The following OXR1 variants were observed in gnomAD, a reference collection of about 807,000 sequenced individuals.
The protein encoded by OXR1 is oxidation resistance 1.
In OXR1, 41 loss-of-function variants were observed where a neutral mutation model predicts 104.6. The observed-to-expected ratio is 0.39, with a 90% confidence interval of 0.31 to 0.51. The LOEUF (loss-of-function observed/expected upper bound fraction) is 0.51. Among genes scored for constraint, OXR1 ranks in the 20% least tolerant of loss-of-function variants. OXR1 has a pLI of 0.77. For synonymous variants in OXR1, 348 were observed against 348.4 expected, an observed-to-expected ratio of 1.00 and a Z score of 0.01; for missense variants, 955 against 1,031.9, an observed-to-expected ratio of 0.93 and a Z score of 1.02.
chr8:106,347,260 A>G lies in OXR1; in HGVS notation c.-138-12216A>G, dbSNP rs542608147. On this transcript the variant is annotated intron_variant, in intron 1 of 16. Coordinates refer to ENST00000517566, the MANE Select transcript of OXR1 (RefSeq NM_001198533.2). Reference sequence around the variant, plus strand: ...AAAACATTTTCCTAAGCAAAGAGTGACATGCAGATTTCTTTTGTGATCCGT... The same window carrying G: ...AAAACATTTTCCTAAGCAAAGAGTGGCATGCAGATTTCTTTTGTGATCCGT... 3.9e-5 allele frequency among the ~76,000 whole-genome samples: 6 copies of G among 152,368 alleles called. No homozygotes were observed. The South Asian group carries it at 1.2e-3, about 32-fold the overall frequency.
At chr8:106,327,536 A>G (rs1814520404) in intron 1 of OXR1, among the ~76,000 whole-genome samples, 1 of 152,194 alleles carries the variant, frequency 6.6e-6, no homozygotes, top group South Asian at 2.1e-4. Flanking sequence ...CATGAAATAT[A>G]TTCACTCCTG....
At chr8:106,725,075 C>A (rs1235117991) in intron 11 of OXR1, among the ~76,000 whole-genome samples, 2 of 151,920 alleles carry the variant, frequency 1.3e-5, no homozygotes, top group African/African-American at 4.8e-5. Context: ...AGAGAACTTT[C>A]CTGGTGTGAA....
At chr8:106,343,724 T>TG (rs773326680) in intron 1 of OXR1, among the ~76,000 whole-genome samples, 1 of 152,222 alleles carries the variant, frequency 6.6e-6, no homozygotes, top group Non-Finnish European at 1.5e-5. Flanking sequence ...TTCAAACTCT[T>TG]GCTGGAAGAA....
intron 3 of OXR1, among the ~76,000 whole-genome samples, chr8:106,660,721 G>A (rs1442549419): frequency 1.3e-5 from 2 of 152,086 alleles, no homozygotes; most frequent in Admixed American, 1.3e-4. Flanking sequence ...TAAAATTTTG[G>A]TCAAATGTCA....
intron 2 of OXR1, among the ~76,000 whole-genome samples, chr8:106,495,329 G>A (rs1489854482): frequency 6.6e-6 from 1 of 152,090 alleles, no homozygotes; most frequent in African/African-American, 2.4e-5. Flanking sequence ...TGAAGAGCTA[G>A]AGCTTGCACT....
At chr8:106,480,488 TTTGA>T (rs1284193749) in intron 2 of OXR1, among the ~76,000 whole-genome samples, 3 of 152,046 alleles carry the variant, frequency 2.0e-5, no homozygotes, top group South Asian at 2.1e-4. Context: ...ACTAATGTAC[TTTGA>T]TTGGTTGACT....
At chr8:106,438,210 G>A (rs1819655921) in intron 2 of OXR1, among the ~76,000 whole-genome samples, 1 of 152,042 alleles carries the variant, frequency 6.6e-6, no homozygotes. Context: ...GGACTAGATT[G>A]TCAACCAATT....
intron 2 of OXR1, among the ~76,000 whole-genome samples, chr8:106,388,283 T>C (rs1817456448): frequency 6.6e-6 from 1 of 152,210 alleles, no homozygotes; most frequent in African/African-American, 2.4e-5. Context: ...GCTAACCCTA[T>C]AGCAAGTGCT....
At chr8:106,494,215 T>A (rs1008823897) in intron 2 of OXR1, among the ~76,000 whole-genome samples, 1 of 152,166 alleles carries the variant, frequency 6.6e-6, no homozygotes, top group Non-Finnish European at 1.5e-5. Context: ...ACAGGCTTTT[T>A]CTTGCCAGAT....
intron 3 of OXR1, among the ~76,000 whole-genome samples, chr8:106,576,627 G>C (rs1377497045): frequency 6.6e-6 from 1 of 152,028 alleles, no homozygotes; most frequent in Non-Finnish European, 1.5e-5. Context: ...AAAACTCATA[G>C]TTAGGGGTGA....
At chr8:106,465,436 C>A (rs12548876) in intron 2 of OXR1, among the ~76,000 whole-genome samples, 1 of 151,706 alleles carries the variant, frequency 6.6e-6, no homozygotes, top group Non-Finnish European at 1.5e-5. Context: ...TATGGGAAGC[C>A]ACTAGAGGTA....
chr8:106,625,253 T>C (rs529324163), intron 3 of OXR1, among the ~76,000 whole-genome samples: 1 of 152,278 alleles, frequency 6.6e-6, no homozygotes, highest in South Asian at 2.1e-4. Flanking sequence ...ATCAAAATTT[T>C]CAAGCTGGGA....
rs533496208 is a variant in OXR1 at position 106,338,342 on chromosome 8, G to A, written c.-138-21134G>A. ...TGTAATCCCAGCACTTTGGGAGGCC[G>A]GGGTGGGCGGATCACCTGAGGTCAG... On this transcript the variant is annotated intron_variant, in intron 1 of 16. Coordinates refer to ENST00000517566, the MANE Select transcript of OXR1 (RefSeq NM_001198533.2). Among the ~76,000 whole-genome samples, 26 of 152,146 alleles carry A rather than the reference G, an allele frequency of 1.7e-4. No individual in the cohort carries two copies. In the South Asian group the frequency reaches 3.5e-3, roughly 21 times the overall value.
At chr8:106,316,878 T>C (rs1813986841) in intron 1 of OXR1, among the ~76,000 whole-genome samples, 1 of 152,066 alleles carries the variant, frequency 6.6e-6, no homozygotes, top group South Asian at 2.1e-4. Context: ...TTATTTAATT[T>C]ATTTATTTAG....
rs563422581 is a variant in OXR1, at chr8:106,709,590, T to G, written c.1625-1032T>G. 2.8e-3 allele frequency among the ~76,000 whole-genome samples: 403 copies of G among 142,602 alleles called. 1 individual carries two copies. The highest frequency in any genetic ancestry group is 9.0e-3 in the South Asian group (41 of 4,570). The allele number at this position is 142,602 out of a possible 152,430, so 93.6% of individuals were successfully genotyped here. The stretch of plus-strand genomic sequence containing the variant: ...ATGATGTGGTGGACCAATTTTGTTG[T>G]GGGGGTTGGGGGTTTAATGGGGTTA... On this transcript the variant is annotated intron_variant, in intron 9 of 16. Transcript: ENST00000517566.
At chr8:106,509,956 G>C (rs546686639) in intron 2 of OXR1, among the ~76,000 whole-genome samples, 1 of 152,012 alleles carries the variant, frequency 6.6e-6, no homozygotes, top group African/African-American at 2.4e-5. Context: ...ATTTTTAGTA[G>C]AGATGGGATT....
intron 3 of OXR1, among the ~76,000 whole-genome samples, chr8:106,636,875 G>A (rs556788291): frequency 1.4e-4 from 21 of 152,240 alleles, no homozygotes; most frequent in South Asian, 2.1e-4. Context: ...ATAGGAAGCC[G>A]CATTCTTAGA....
intron 3 of OXR1, among the ~76,000 whole-genome samples, chr8:106,581,438 T>G (rs1368546683): frequency 1.3e-5 from 2 of 152,120 alleles, no homozygotes; most frequent in Non-Finnish European, 2.9e-5. Flanking sequence ...TATTAGAAAT[T>G]GCCAACTTTT....
rs1015876659 is a variant in OXR1 at position 106,298,531 on chromosome 8, A to G, written c.-139+28164A>G. Among the ~76,000 whole-genome samples, 6 of 152,180 alleles carry G rather than the reference A, an allele frequency of 3.9e-5. 1 individual carries two copies. The highest frequency in any genetic ancestry group is 4.1e-4 in the South Asian group (2 of 4,832). Reference sequence around the variant, plus strand: ...ACCCAGCCAGACCATATCAGAATCAATCATGATAATAAAGTCTCTGTCTCT... The same window carrying G: ...ACCCAGCCAGACCATATCAGAATCAGTCATGATAATAAAGTCTCTGTCTCT... On this transcript the variant is annotated intron_variant, in intron 1 of 16. Coordinates refer to ENST00000517566, the MANE Select transcript of OXR1 (RefSeq NM_001198533.2).
Sources: gnomAD v4.1 joint callset for allele counts (sites outside exome capture counted in the v4.1 genomes callset) on GRCh38, gnomAD v4.1.1 for gene constraint, MANE v1.5 for transcripts, NCBI Gene and HGNC (gene_info 2026-07-23, HGNC 2026-07-21) for gene names.